The following UXS1 variants were observed in gnomAD, a reference collection of about 807,000 sequenced individuals.
UXS1 encodes the protein UDP-glucuronic acid decarboxylase 1.
UXS1 carries 33 observed loss-of-function variants against 62.6 expected under a neutral mutation model. The observed-to-expected ratio is 0.53, with a 90% CI of 0.40 to 0.70. The LOEUF is 0.70. Ranked by LOEUF, UXS1 falls within the 30% of genes least tolerant of loss-of-function variation. UXS1 has a pLI of 0.00. For missense variants in UXS1, 434 were observed against 556.3 expected, an observed-to-expected ratio of 0.78 and a Z score of 2.21; for synonymous variants, 213 against 206.8, an observed-to-expected ratio of 1.03 and a Z score of -0.26.
intron 4 of UXS1, among the ~76,000 whole-genome samples, chr2:106,161,030 C>T (rs1682856483): frequency 6.6e-6 from 1 of 152,118 alleles, no homozygotes; most frequent in Non-Finnish European, 1.5e-5. Flanking sequence ...TGCATGTCAT[C>T]CTGTTTTCCT....
chr2:106,190,304 G>A (rs771665108), intron 1 of UXS1, among the ~76,000 whole-genome samples: 9 of 152,054 alleles, frequency 5.9e-5, no homozygotes, highest in Non-Finnish European at 1.0e-4. Flanking sequence ...TATATAGGAG[G>A]GTGGAGAGCA....
intron 4 of UXS1, chr2:106,160,241 C>A (rs991710727): frequency 6.6e-6 from 1 of 152,254 alleles, no homozygotes; most frequent in Non-Finnish European, 1.5e-5. Context: ...CCTCTCACAC[C>A]GCTCCAATTG....
At chr2:106,162,510 G>T (rs376543733) in intron 4 of UXS1, among the ~76,000 whole-genome samples, 1 of 151,866 alleles carries the variant, frequency 6.6e-6, no homozygotes, top group South Asian at 2.1e-4. Context: ...TGTGTGGTGG[G>T]TTATTTCTTA....
chr2:106,191,264 G>T (rs956249306), intron 1 of UXS1, among the ~76,000 whole-genome samples: 1 of 152,160 alleles, frequency 6.6e-6, no homozygotes, highest in African/African-American at 2.4e-5. Flanking sequence ...TTTCTGCAAC[G>T]GAGGCTGGCT....
intron 9 of UXS1, among the ~76,000 whole-genome samples, chr2:106,121,429 C>T (rs1679508428): frequency 6.6e-6 from 1 of 152,204 alleles, no homozygotes; most frequent in South Asian, 2.1e-4. Context: ...GTAAGAAATA[C>T]AATCATAGGA....
intron 9 of UXS1, among the ~76,000 whole-genome samples, chr2:106,121,650 T>C (rs1333295153): frequency 3.9e-5 from 6 of 152,200 alleles, no homozygotes; most frequent in African/African-American, 1.2e-4. Context: ...CTAAAACTGA[T>C]CGGCATTTCA....
chr2:106,175,201 A>C (rs1573568774), intron 1 of UXS1, among the ~76,000 whole-genome samples: 3 of 152,330 alleles, frequency 2.0e-5, no homozygotes, highest in Middle Eastern at 6.8e-3. Flanking sequence ...AATCTTGTAC[A>C]AACAGAGGGC....
At chr2:106,120,343 C>A (rs1358091379) in intron 9 of UXS1, among the ~76,000 whole-genome samples, 1 of 152,202 alleles carries the variant, frequency 6.6e-6, no homozygotes, top group African/African-American at 2.4e-5. Flanking sequence ...TGCCTCGCAG[C>A]CACCAGAATT....
At chr2:106,136,965 C>CAAAAAAAAAAAAAAAAAAAAAAAAAA (rs397701050) in intron 6 of UXS1, among the ~76,000 whole-genome samples, 1 of 54,160 alleles carries the variant, frequency 1.8e-5, no homozygotes, top group African/African-American at 7.4e-5. Context: ...AGAACACACA[C>CAAAAAAAAAAAAAAAAAAAAAAAAAA]AAAAAAAAAA....
chr2:106,119,137 C>T (rs1049266463), intron 9 of UXS1, among the ~76,000 whole-genome samples: 1 of 152,220 alleles, frequency 6.6e-6, no homozygotes, highest in African/African-American at 2.4e-5. Context: ...AATCTCCCAG[C>T]TGAGAGGTGC....
chr2:106,168,322 T>C (rs1486833832), intron 1 of UXS1, among the ~76,000 whole-genome samples: 2 of 152,198 alleles, frequency 1.3e-5, no homozygotes, highest in South Asian at 2.1e-4. Context: ...ACAAATGCCA[T>C]GGCAACGTCA....
At chr2:106,152,269 T>C (rs1235938813) in intron 5 of UXS1, among the ~76,000 whole-genome samples, 1 of 152,110 alleles carries the variant, frequency 6.6e-6, no homozygotes, top group Non-Finnish European at 1.5e-5. Flanking sequence ...CTGGCCAACA[T>C]GGTGAAACCC....
rs142428502 is a variant in UXS1, at chr2:106,172,012, CAATGTTTCCTAA to C, written c.95-5941_95-5930del. On this transcript the variant is annotated intron_variant, in intron 1 of 14. Transcript: ENST00000283148. ...CCTCATGCAGGCTTTGCCTTCTTTC[CAATGTTTCCTAA>C]AATCCTTCCTTGCTCCTCCATCCCC... Among the ~76,000 whole-genome samples, 470 of 152,344 alleles carry C rather than the reference CAATGTTTCCTAA, an allele frequency of 3.1e-3. 2 individuals carry two copies. Among genetic ancestry groups the C allele is most frequent in the African/African-American group, 0.011 (444 of 41,574 alleles).
intron 1 of UXS1, among the ~76,000 whole-genome samples, chr2:106,193,097 C>T (rs1260315823): frequency 1.1e-4 from 16 of 152,100 alleles, no homozygotes; most frequent in Admixed American, 1.0e-3. Flanking sequence ...CCAGCTCCAC[C>T]TCCTGAACAG....
intron 1 of UXS1, among the ~76,000 whole-genome samples, chr2:106,174,642 G>A (rs1040362606): frequency 1.3e-5 from 2 of 152,346 alleles, no homozygotes; most frequent in Non-Finnish European, 2.9e-5. Flanking sequence ...CGTAGTGAGA[G>A]GCCACAGCCC....
chr2:106,109,754 A>G (rs1366610925), intron 10 of UXS1, among the ~76,000 whole-genome samples: 3 of 152,224 alleles, frequency 2.0e-5, no homozygotes, highest in African/African-American at 7.2e-5. Context: ...GGCATCTGGT[A>G]CAGCAACGAG....
chr2:106,112,339 T>G (rs3820892), intron 10 of UXS1, among the ~76,000 whole-genome samples: 22,166 of 152,244 alleles, frequency 0.15, 2,057 homozygotes, highest in Non-Finnish European at 0.19. Flanking sequence ...CACCCCTGGC[T>G]ACAGCCAGCA....
intron 5 of UXS1, among the ~76,000 whole-genome samples, chr2:106,154,626 T>A (rs974724732): frequency 6.6e-6 from 1 of 152,196 alleles, no homozygotes; most frequent in African/African-American, 2.4e-5. Flanking sequence ...CCTGCTGACA[T>A]CTTGATTTCA....
At chr2:106,095,106 A>C (rs1270807267) in intron 14 of UXS1, among the ~76,000 whole-genome samples, 1 of 152,228 alleles carries the variant, frequency 6.6e-6, no homozygotes, top group Non-Finnish European at 1.5e-5. Flanking sequence ...GAATGTTAGA[A>C]TATTATAGGT....
Sources: allele counts gnomAD v4.1 joint callset (sites outside exome capture counted in the v4.1 genomes callset), GRCh38; gene constraint gnomAD v4.1.1; transcripts MANE v1.5; gene names NCBI Gene and HGNC (gene_info 2026-07-23, HGNC 2026-07-21).